Variants in PAK1 observed in about 807,000 individuals in gnomAD.
PAK1 encodes the protein p21 (RAC1) activated kinase 1, also known as serine/threonine-protein kinase PAK 1.
In PAK1, 29 loss-of-function variants were observed where a neutral mutation model predicts 67.4. The observed-to-expected ratio is 0.43, with a 90% CI of 0.32 to 0.59. The LOEUF (loss-of-function observed/expected upper bound fraction) is 0.59. Ranked by LOEUF, PAK1 falls within the 20% of genes least tolerant of loss-of-function variation. PAK1 has a pLI of 0.07. For missense variants in PAK1, 337 were observed against 670.7 expected (o/e 0.50, Z 5.50); for synonymous variants, 223 against 237.4 (o/e 0.94, Z 0.56).
chr11:77,336,149 C>A lies in PAK1; in HGVS notation c.1350G>T (p.Leu450=), dbSNP rs1315228621. 6.2e-7 allele frequency: 1 copy of A among 1,613,702 alleles called. No homozygotes were observed. Among genetic ancestry groups the A allele is most frequent in the African/African-American group, 1.3e-5 (1 of 74,922 alleles). Residue 450 remains leucine, a synonymous_variant, in exon 13 of 15, where the codon CTG becomes CTT. Transcript: ENST00000356341. The stretch of plus-strand genomic sequence containing the variant: ...CAATCATTTCGATGGCCATGATGCC[C>A]AGGGACCAGATGTCAACCTTGGGCC... ...AYGPKVDIWS[L]GIMAIEMIEG...
intron 14 of PAK1, among the ~76,000 whole-genome samples, chr11:77,326,287 A>C (rs961215448): frequency 6.6e-6 from 1 of 152,252 alleles, no homozygotes; most frequent in African/African-American, 2.4e-5. Flanking sequence ...GTTTCCCCAC[A>C]AACTGGCAAA....
At chr11:77,502,298 TGG>T in the PAK1 span, among the ~76,000 whole-genome samples, 1 of 152,244 alleles carries the variant, frequency 6.6e-6, no homozygotes, top group African/African-American at 2.4e-5. Context: ...CATACTATGT[TGG>T]AAATTTTCCC....
At chr11:77,357,759 C>G (rs766955015) in intron 6 of PAK1, among the ~76,000 whole-genome samples, 1 of 152,098 alleles carries the variant, frequency 6.6e-6, no homozygotes, top group Non-Finnish European at 1.5e-5. Flanking sequence ...CTATGAAGAT[C>G]AATTAATTAA....
At chr11:77,380,039 T>C (rs763785980) in intron 2 of PAK1, 45 bp from the exon 3 acceptor site, 14 of 1,449,106 alleles carry the variant, frequency 9.7e-6, no homozygotes, top group South Asian at 9.2e-5. Context: ...AGGAACATTA[T>C]TGTTTTTAGG....
chr11:77,347,078 C>T (rs1591809939), intron 9 of PAK1: 1 of 456,282 alleles, frequency 2.2e-6, no homozygotes, highest in Non-Finnish European at 4.4e-6. Flanking sequence ...GATTTATTCT[C>T]CCTGGGGCAG....
At chr11:77,453,659 T>C (rs891346086) in intron 1 of PAK1, among the ~76,000 whole-genome samples, 1 of 152,192 alleles carries the variant, frequency 6.6e-6, no homozygotes, top group African/African-American at 2.4e-5. Flanking sequence ...ACATATTAGT[T>C]ATAAGAGCAA....
chr11:77,325,494 T>C, intron 14 of PAK1: 1 of 1,059,500 alleles, frequency 9.4e-7, no homozygotes, highest in Non-Finnish European at 1.3e-6. Context: ...AAAGATTCAA[T>C]ATAACCCATT....
intron 1 of PAK1, among the ~76,000 whole-genome samples, chr11:77,420,007 C>G (rs1955175278): frequency 6.6e-6 from 1 of 152,100 alleles, no homozygotes; most frequent in Admixed American, 6.5e-5. Context: ...TATTTAGTGG[C>G]AGTCAGTCAT....
At chr11:77,330,389 A>G (rs1180742464) in intron 14 of PAK1, among the ~76,000 whole-genome samples, 3 of 152,206 alleles carry the variant, frequency 2.0e-5, no homozygotes, top group Non-Finnish European at 4.4e-5. Flanking sequence ...AAACTATACT[A>G]CAAGGCTACA....
intron 1 of PAK1, among the ~76,000 whole-genome samples, chr11:77,425,191 A>G (rs1359213307): frequency 6.6e-6 from 1 of 152,148 alleles, no homozygotes; most frequent in Non-Finnish European, 1.5e-5. Context: ...GTGTCATCAA[A>G]GTAGAAGACA....
intron 4 of PAK1, among the ~76,000 whole-genome samples, chr11:77,377,106 T>G (rs1167938305): frequency 6.6e-5 from 10 of 151,948 alleles, no homozygotes; most frequent in Admixed American, 6.6e-4. Context: ...TGGTGAACTG[T>G]CTCTATTAAA....
At chr11:77,490,066 A>C in the PAK1 span, among the ~76,000 whole-genome samples, 1 of 130,236 alleles carries the variant, frequency 7.7e-6, no homozygotes, top group Non-Finnish European at 1.6e-5. Flanking sequence ...CCGGCCGCCC[A>C]TCGTCTGAGA....
At chr11:77,523,205 T>C in the PAK1 span, among the ~76,000 whole-genome samples, 1 of 152,204 alleles carries the variant, frequency 6.6e-6, no homozygotes, top group Non-Finnish European at 1.5e-5. Context: ...CGTGCACATG[T>C]ACCCCTGAAT....
At chr11:77,497,318 T>C in the PAK1 span, among the ~76,000 whole-genome samples, 2 of 152,224 alleles carry the variant, frequency 1.3e-5, no homozygotes, top group South Asian at 4.1e-4. Flanking sequence ...TCTGAAATAA[T>C]AATTTTTACA....
chr11:77,484,480 T>C, the PAK1 span, among the ~76,000 whole-genome samples: 31 of 152,236 alleles, frequency 2.0e-4, no homozygotes, highest in Non-Finnish European at 4.1e-4. Context: ...ACTGGAAAGA[T>C]AGAAATAACA....
chr11:77,458,003 T>C (rs893349887), intron 1 of PAK1, among the ~76,000 whole-genome samples: 4 of 152,198 alleles, frequency 2.6e-5, no homozygotes, highest in Non-Finnish European at 5.9e-5. Context: ...GAGGTAGCCA[T>C]CATAGGAATA....
At chr11:77,324,818 G>T (rs1010663573) in intron 14 of PAK1, among the ~76,000 whole-genome samples, 6 of 152,126 alleles carry the variant, frequency 3.9e-5, no homozygotes, top group African/African-American at 1.4e-4. Context: ...AAGAGAAAGA[G>T]AGAGAAACAT....
At position 77,388,880 on chromosome 11, in the gene PAK1, C is replaced by T. The variant is rs186935708; in HGVS notation, c.190+3451G>A. Among the ~76,000 whole-genome samples, 103 of 152,318 alleles carry T rather than the reference C, an allele frequency of 6.8e-4. 1 individual carries two copies. The highest frequency in any genetic ancestry group is 1.2e-3 in the Non-Finnish European group (80 of 68,032). ...TGTCTGAAGGCTCTGCTTCCATCTGCTGTTTCAGACTGGAATCTTCTTTTT... is the reference window on the plus strand; with the variant it reads ...TGTCTGAAGGCTCTGCTTCCATCTGTTGTTTCAGACTGGAATCTTCTTTTT... On this transcript the variant is annotated intron_variant, in intron 2 of 14. Coordinates refer to ENST00000356341, the MANE Select transcript of PAK1 (RefSeq NM_002576.5).
At chr11:77,385,520 T>C (rs1194394938) in intron 2 of PAK1, among the ~76,000 whole-genome samples, 3 of 152,224 alleles carry the variant, frequency 2.0e-5, no homozygotes, top group African/African-American at 7.2e-5. Flanking sequence ...CATATATAAC[T>C]GACAGAAGAC....
Sources: gnomAD v4.1 joint callset for allele counts (sites outside exome capture counted in the v4.1 genomes callset) on GRCh38, gnomAD v4.1.1 for gene constraint, MANE v1.5 for transcripts, NCBI Gene and HGNC (gene_info 2026-07-23, HGNC 2026-07-21) for gene names.